The following ATP2B2 variants were observed in gnomAD, a reference collection of about 807,000 sequenced individuals.
The protein encoded by ATP2B2 is ATPase plasma membrane Ca2+ transporting 2.
Under a neutral mutation model 120.0 loss-of-function variants are expected in ATP2B2, and 15 were observed. That is an observed-to-expected ratio of 0.12 (90% confidence interval 0.08 to 0.19). The LOEUF is 0.19. Ranked by LOEUF, ATP2B2 falls within the 10% of genes least tolerant of loss-of-function variation. The pLI, the probability that ATP2B2 is intolerant of heterozygous loss-of-function variation, is 1.00. For missense variants in ATP2B2, 1,045 were observed against 1,719.8 expected (o/e 0.61, Z 6.94); for synonymous variants, 694 against 700.3 (o/e 0.99, Z 0.14).
intron 1 of ATP2B2, among the ~76,000 whole-genome samples, chr3:10,471,013 C>T (rs575826958): frequency 3.9e-5 from 6 of 152,302 alleles, no homozygotes; most frequent in East Asian, 1.9e-4. Flanking sequence ...GGGGGCCCTG[C>T]GGCAGCCCTG....
chr3:10,401,312 C>T (rs930541980), intron 4 of ATP2B2, among the ~76,000 whole-genome samples: 2 of 152,176 alleles, frequency 1.3e-5, no homozygotes, highest in Non-Finnish European at 2.9e-5. Context: ...CTGCAACCCT[C>T]GCTCAAGTGG....
intron 2 of ATP2B2, among the ~76,000 whole-genome samples, chr3:10,535,076 T>C (rs969987663): frequency 6.6e-5 from 10 of 151,846 alleles, no homozygotes; most frequent in African/African-American, 2.2e-4. Context: ...ACTAACTTTT[T>C]TGTATTTTAG....
intron 2 of ATP2B2, among the ~76,000 whole-genome samples, chr3:10,615,063 C>T (rs1463919404): frequency 2.6e-5 from 4 of 152,144 alleles, no homozygotes; most frequent in Non-Finnish European, 5.9e-5. Context: ...CTGAGCATCA[C>T]TTGGACACAG....
At chr3:10,349,256 C>T (rs1190803113) in intron 16 of ATP2B2, among the ~76,000 whole-genome samples, 1 of 152,134 alleles carries the variant, frequency 6.6e-6, no homozygotes, top group Non-Finnish European at 1.5e-5. Flanking sequence ...AGTTTGCAAC[C>T]AGCCTGGGCA....
intron 1 of ATP2B2, among the ~76,000 whole-genome samples, chr3:10,676,067 G>C (rs2071234022): frequency 6.6e-6 from 1 of 152,192 alleles, no homozygotes; most frequent in Non-Finnish European, 1.5e-5. Flanking sequence ...TTCCATAAAG[G>C]CAGAGATTGG....
At chr3:10,344,801 G>C (rs1214883147) in intron 18 of ATP2B2, among the ~76,000 whole-genome samples, 1 of 152,200 alleles carries the variant, frequency 6.6e-6, no homozygotes, top group African/African-American at 2.4e-5. Flanking sequence ...GACATCTGGG[G>C]CCTGCCTGCC....
chr3:10,616,025 G>A (rs2069375743), intron 2 of ATP2B2, among the ~76,000 whole-genome samples: 1 of 152,086 alleles, frequency 6.6e-6, no homozygotes, highest in East Asian at 1.9e-4. Flanking sequence ...GATTTATTAA[G>A]GATGGAGACA....
intron 2 of ATP2B2, among the ~76,000 whole-genome samples, chr3:10,555,975 T>C (rs1213065533): frequency 1.3e-5 from 2 of 152,226 alleles, no homozygotes; most frequent in Non-Finnish European, 2.9e-5. Context: ...CTTGGCTCAC[T>C]GCAACCTCTG....
At chr3:10,542,391 G>C (rs2067458767) in intron 2 of ATP2B2, among the ~76,000 whole-genome samples, 1 of 152,128 alleles carries the variant, frequency 6.6e-6, no homozygotes, top group South Asian at 2.1e-4. Context: ...AACTCAAGAA[G>C]AGAAGGAAAG....
Position 10,359,868 on chromosome 3 carries a change from T to G in ATP2B2, c.1901+14A>C. The G allele has an allele frequency of 6.2e-7, 1 of 1,614,178 alleles. No individual in the cohort carries two copies. Among genetic ancestry groups the G allele is most frequent in the South Asian group, 1.1e-5 (1 of 91,090 alleles). On this transcript the variant is annotated intron_variant, in intron 13 of 22. Transcript: ENST00000360273. The stretch of plus-strand genomic sequence containing the variant: ...GGCACAGCCCTCAGCCCCGGTGCCC[T>G]GCCCAGCGCTTACTTCTTGAGCACG...
At chr3:10,345,310 C>A in intron 18 of ATP2B2, 74 bp downstream of exon 18, 2 of 1,550,458 alleles carry the variant, frequency 1.3e-6, no homozygotes, top group Non-Finnish European at 8.9e-7. Context: ...ACCTGGAGTA[C>A]CCTAAGGCCC....
In ATP2B2 at chr3:10,359,464, C is replaced by T. The variant is rs140564512; in HGVS notation, c.1901+418G>A. ...GAGGGGAAGGGATTTGCTTAGTTCA[C>T]CAGGCTTATTTCCAGCACTCCTCTG... On this transcript the variant is annotated intron_variant, in intron 13 of 22. Transcript: ENST00000360273. Among the ~76,000 whole-genome samples, 10 of 152,176 alleles carry T rather than the reference C, an allele frequency of 6.6e-5. No homozygotes were observed. The East Asian group carries it at 1.4e-3, about 21-fold the overall frequency.
chr3:10,483,095 C>T (rs1226388893), intron 1 of ATP2B2, among the ~76,000 whole-genome samples: 23 of 152,258 alleles, frequency 1.5e-4, no homozygotes, highest in Non-Finnish European at 1.0e-4. Context: ...GGTCCATCTC[C>T]CTCACTCACG....
Position 10,564,577 on chromosome 3 carries a change from CTT to C in ATP2B2, c.-414-30446_-414-30445del, listed in dbSNP as rs2125535149. Among the ~76,000 whole-genome samples, 3 of 152,288 alleles carry C rather than the reference CTT, an allele frequency of 2.0e-5. No individual in the cohort carries two copies. The South Asian group carries it at 6.2e-4, about 32-fold the overall frequency. On this transcript the variant is annotated intron_variant, in intron 2 of 21. Transcript: ENST00000646379. ...CCCCTACAGATTCTAGTGTGTATGA[CTT>C]TTCATTTTGGAACTGTCCCAGGATG...
intron 1 of ATP2B2, among the ~76,000 whole-genome samples, chr3:10,682,931 T>C (rs968672046): frequency 1.7e-4 from 26 of 152,114 alleles, no homozygotes; most frequent in African/African-American, 5.1e-4. Flanking sequence ...AACCCATTCA[T>C]CGTGTGCACA....
chr3:10,509,090 A>G (rs1305012056), upstream of ATP2B2, among the ~76,000 whole-genome samples: 1 of 152,166 alleles, frequency 6.6e-6, no homozygotes, highest in Non-Finnish European at 1.5e-5. Context: ...AGGAATGGGG[A>G]CACAGAACTT....
intron 1 of ATP2B2, among the ~76,000 whole-genome samples, chr3:10,624,429 G>A (rs1421454678): frequency 6.6e-6 from 1 of 152,176 alleles, no homozygotes; most frequent in Non-Finnish European, 1.5e-5. Flanking sequence ...TGTTGCATTG[G>A]TGGGTGTGTC....
chr3:10,340,271 T>A lies in ATP2B2; in HGVS notation c.3208A>T (p.Ile1070Phe). ...QLDQWMWCIFIGLGELVWGQV... is the reference protein window; with the variant it reads ...QLDQWMWCIFFGLGELVWGQV... ...CCCCAAACGAGCTCTCCTAACCCAATGAATATGCACCACATCCACTGGTCC... is the reference window on the plus strand; with the variant it reads ...CCCCAAACGAGCTCTCCTAACCCAAAGAATATGCACCACATCCACTGGTCC... The change falls in exon 21 of 23, where the codon ATT becomes TTT. Residue 1070 changes from isoleucine to phenylalanine, a missense_variant. Physicochemically the swap from Ile to Phe is conservative, Grantham distance 21 (BLOSUM62 0). This residue lies in a region of ATP2B2 where 211 missense variants were observed against 385.1 expected (regional missense o/e 0.55). Coordinates refer to ENST00000360273, the MANE Select transcript of ATP2B2 (RefSeq NM_001001331.4). This position sits in a 1 kb window ranked among gnomAD's most constrained non-coding sequence, Gnocchi z 5.0. 6.2e-7 allele frequency: 1 copy of A among 1,614,172 alleles called. No homozygotes were observed. The highest frequency in any genetic ancestry group is 8.5e-7 in the Non-Finnish European group (1 of 1,180,032).
At chr3:10,393,082 C>A (rs2124911686) in intron 5 of ATP2B2, among the ~76,000 whole-genome samples, 1 of 152,312 alleles carries the variant, frequency 6.6e-6, no homozygotes, top group African/African-American at 2.4e-5. Context: ...TGAGAGAGGT[C>A]CCCCTGTGGT....
Sources: gnomAD v4.1 joint callset for allele counts (sites outside exome capture counted in the v4.1 genomes callset) on GRCh38, gnomAD v4.1.1 for gene constraint, gnomAD v4.1.1 regional missense constraint, Gnocchi (gnomAD v3.1) non-coding constraint, MANE v1.5 for transcripts, NCBI Gene and HGNC (gene_info 2026-07-23, HGNC 2026-07-21) for gene names.